The following MISP variants were observed in gnomAD, a reference collection of about 807,000 sequenced individuals.
The protein encoded by MISP is mitotic interactor and substrate of PLK1.
Under a neutral mutation model 49.3 loss-of-function variants are expected in MISP, and 51 were observed. That is an observed-to-expected ratio of 1.03 (90% CI 0.83 to 1.31). The LOEUF is 1.31. MISP is among the 50% of genes most tolerant of loss of function. The pLI is 0.00. For missense variants in MISP, 1,084 were observed against 935.1 expected, an observed-to-expected ratio of 1.16 and a Z score of -2.08; for synonymous variants, 444 against 392.6, an observed-to-expected ratio of 1.13 and a Z score of -1.55.
At position 758,060 on chromosome 19, in the gene MISP, G is replaced by A. The variant is rs763322011; in HGVS notation, c.1114G>A (p.Val372Met). 22 of 1,567,456 alleles carry A rather than the reference G, an allele frequency of 1.4e-5. No homozygotes were observed. Among genetic ancestry groups the A allele is most frequent in the South Asian group, 2.4e-5 (2 of 84,770 alleles). Residue 372 changes from valine to methionine, a missense_variant, in exon 2 of 5, where the codon GTG (valine) becomes ATG (methionine). By Grantham distance (21) the Val-to-Met change is conservative (BLOSUM62 1). Coordinates refer to ENST00000215582, the MANE Select transcript of MISP (RefSeq NM_173481.4). ...EEDHRREGLH[V>M]GRASTPDWVS... ...AGACCACCGGCGGGAGGGCCTGCAC[G>A]TGGGCCGGGCGTCCACACCCGACTG...
Position 759,897 on chromosome 19 carries a change from G to A in MISP, c.1781-12G>A. On this transcript the variant is annotated splice_polypyrimidine_tract_variant and intron_variant, in intron 2 of 4. Transcript: ENST00000215582. ...AATGTTCTAATGTTCTGCCCTCCCT[G>A]CTCCCCTACAGGCATCACGGGCAGT... 1 of 1,613,766 alleles carries A rather than the reference G, an allele frequency of 6.2e-7. No individual in the cohort carries two copies. Among genetic ancestry groups the A allele is most frequent in the African/African-American group, 1.3e-5 (1 of 74,984 alleles).
chr19:759,809 G>A (rs1433637159), intron 2 of MISP, 100 bp from the exon 3 acceptor site: 2 of 1,381,896 alleles, frequency 1.4e-6, no homozygotes, highest in Non-Finnish European at 2.0e-6. Context: ...TGCTCTGTCT[G>A]TCCATACATC....
Position 758,486 on chromosome 19 carries a change from C to G in MISP, c.1540C>G (p.Pro514Ala), listed in dbSNP as rs1247036400. 1.2e-6 allele frequency: 2 copies of G among 1,614,102 alleles called. No individual in the cohort carries two copies. The highest frequency in any genetic ancestry group is 1.7e-6 in the Non-Finnish European group (2 of 1,179,984). Residue 514 changes from proline (P) to alanine (A), a missense_variant, in exon 2 of 5, where the codon CCA (proline) becomes GCA (alanine). Pro to Ala is a conservative substitution (Grantham distance 27, BLOSUM62 -1). Transcript: ENST00000215582. Reference protein sequence around the residue: ...FRLRPLRFRAPDEPQQAQVPH... With the variant: ...FRLRPLRFRAADEPQQAQVPH... Reference sequence around the variant, plus strand: ...CCTGCGTCCTCTGCGGTTCAGGGCCCCAGACGAGCCCCAGCAGGCCCAAGT... The same window carrying G: ...CCTGCGTCCTCTGCGGTTCAGGGCCGCAGACGAGCCCCAGCAGGCCCAAGT...
Position 757,330 on chromosome 19 carries a change from T to C in MISP, c.384T>C (p.Ala128=), listed in dbSNP as rs1366963786. Residue 128 remains alanine, a synonymous_variant, in exon 2 of 5, where the codon GCT becomes GCC. Transcript: ENST00000215582. The stretch of plus-strand genomic sequence containing the variant: ...AGATGAAGACCTACCGCCTGGATGC[T>C]GGGGACGCTGACCCCAGGAGGCTGT... ...DKEMKTYRLD[A]GDADPRRLCD... is the part of the protein sequence containing the mutation. 2 of 1,613,732 alleles carry C rather than the reference T, an allele frequency of 1.2e-6. No individual in the cohort carries two copies. Among genetic ancestry groups the C allele is most frequent in the Non-Finnish European group, 1.7e-6 (2 of 1,179,916 alleles).
chr19:752,313 G>A lies in MISP; in HGVS notation c.-58+1142G>A, dbSNP rs564871928. ...AAGAATGCCGGCCATGAGAGCCGCC[G>A]TGGATCCAGGGGTTTTTTTGGCCGA... On this transcript the variant is annotated intron_variant, in intron 1 of 4. Transcript: ENST00000215582. Among the ~76,000 whole-genome samples the A allele has an allele frequency of 6.1e-3, 935 of 152,230 alleles. 6 individuals carry two copies. The highest frequency in any genetic ancestry group is 7.5e-3 in the Non-Finnish European group (512 of 68,024).
Position 757,276 on chromosome 19 carries a change from A to G in MISP, c.330A>G (p.Ala110=). ...RDAHQGRPTW[A]LRPEDGEDKE... ...CCCACCAGGGACGTCCAACATGGGC[A>G]CTCCGCCCAGAGGACGGGGAGGACA... The change falls in exon 2 of 5, where the codon GCA becomes GCG. Residue 110 remains alanine, a synonymous_variant. Transcript: ENST00000215582. 6.2e-7 allele frequency: 1 copy of G among 1,613,930 alleles called. No individual in the cohort carries two copies. The highest frequency in any genetic ancestry group is 8.5e-7 in the Non-Finnish European group (1 of 1,179,960).
At position 758,100 on chromosome 19, in the gene MISP, C is replaced by G. The variant is rs768943605; in HGVS notation, c.1154C>G (p.Pro385Arg). The change falls in exon 2 of 5, where the codon CCC (proline) becomes CGC (arginine). Residue 385 changes from proline (P) to arginine (R), a missense_variant. Coordinates refer to ENST00000215582, the MANE Select transcript of MISP (RefSeq NM_173481.4). ...ACACCCGACTGGGTCTCGGAGGGTCCCCAGCCCGGACTCCGGAGAGCCCTC... is the reference window on the plus strand; with the variant it reads ...ACACCCGACTGGGTCTCGGAGGGTCGCCAGCCCGGACTCCGGAGAGCCCTC... The part of the protein sequence containing the change: ...ASTPDWVSEG[P>R]QPGLRRALSS... 6.3e-7 allele frequency: 1 copy of G among 1,594,948 alleles called. No individual in the cohort carries two copies. The highest frequency in any genetic ancestry group is 8.5e-7 in the Non-Finnish European group (1 of 1,171,076).
rs754368314 is a variant in MISP, at chr19:758,187, T to G, written c.1241T>G (p.Val414Gly). Residue 414 changes from valine to glycine, a missense_variant, in exon 2 of 5, where the codon GTG becomes GGG. By Grantham distance (109) the Val-to-Gly change is moderately radical. Transcript: ENST00000215582. ...CGTGCGGCCGACCCAGCTCCAGAAGTGAGGAAGGTGAACCGCATCCCACCT... is the reference window on the plus strand; with the variant it reads ...CGTGCGGCCGACCCAGCTCCAGAAGGGAGGAAGGTGAACCGCATCCCACCT... ...DARAADPAPE[V>G]RKVNRIPPDA... 3 of 1,611,636 alleles carry G rather than the reference T, an allele frequency of 1.9e-6. No homozygotes were observed. Among genetic ancestry groups the G allele is most frequent in the Non-Finnish European group, 2.5e-6 (3 of 1,179,486 alleles).
At chr19:754,379 C>T (rs932612198) in intron 1 of MISP, among the ~76,000 whole-genome samples, 9 of 152,102 alleles carry the variant, frequency 5.9e-5, no homozygotes, top group African/African-American at 1.7e-4. Flanking sequence ...AGGAGAATGG[C>T]GTGAACCTGG....
intron 4 of MISP, among the ~76,000 whole-genome samples, chr19:763,018 G>C (rs10410087): frequency 6.6e-6 from 1 of 152,096 alleles, no homozygotes; most frequent in Admixed American, 6.5e-5. Flanking sequence ...GGACAGGCAC[G>C]GTGGCTCACG....
chr19:763,576 G>A lies in MISP; in HGVS notation c.2026G>A (p.Glu676Lys), dbSNP rs1251681600. The A allele has an allele frequency of 6.2e-7, 1 of 1,613,688 alleles. No homozygotes were observed. Among genetic ancestry groups the A allele is most frequent in the Admixed American group, 1.7e-5 (1 of 60,010 alleles). Reference sequence around the variant, plus strand: ...CTGGGAATCCCGCATCTACGCCAGTGAGGAGGATGACTGAGCCTCGGGATG... The same window carrying A: ...CTGGGAATCCCGCATCTACGCCAGTAAGGAGGATGACTGAGCCTCGGGATG... ...ERWESRIYAS[E>K]EDD Residue 676 changes from glutamate to lysine, a missense_variant, in exon 5 of 5, where the codon GAG becomes AAG. By Grantham distance (56) the Glu-to-Lys change is moderately conservative. Transcript: ENST00000215582.
At position 756,980 on chromosome 19, in the gene MISP, A is replaced by G. The variant is rs372099224; in HGVS notation, c.34A>G (p.Ile12Val). 2 of 1,588,390 alleles carry G rather than the reference A, an allele frequency of 1.3e-6. No individual in the cohort carries two copies. The highest frequency in any genetic ancestry group is 2.7e-5 in the African/African-American group (2 of 74,374). ...CGTGACCAGATACCCCATCCTGGGC[A>G]TCCCTCAGGCACACCGTGGCACCGG... ...DRVTRYPILGIPQAHRGTGLV... is the reference protein window; with the variant it reads ...DRVTRYPILGVPQAHRGTGLV... Residue 12 changes from isoleucine to valine, a missense_variant, in exon 2 of 5, where the codon ATC becomes GTC. Physicochemically the swap from Ile to Val is conservative, Grantham distance 29. Coordinates refer to ENST00000215582, the MANE Select transcript of MISP (RefSeq NM_173481.4).
intron 3 of MISP, chr19:760,522 C>T (rs181050945): frequency 1.3e-3 from 207 of 155,020 alleles, no homozygotes; most frequent in Middle Eastern, 9.9e-3. Context: ...TGCACCACCA[C>T]GCCCGGCTAA....
At chr19:754,291 C>T (rs958374986) in intron 1 of MISP, among the ~76,000 whole-genome samples, 5 of 152,190 alleles carry the variant, frequency 3.3e-5, no homozygotes, top group African/African-American at 7.2e-5. Context: ...GGTGAAACCC[C>T]GTCTCTACTA....
At chr19:752,529 A>C (rs1418589312) in intron 1 of MISP, among the ~76,000 whole-genome samples, 8 of 141,058 alleles carry the variant, frequency 5.7e-5, no homozygotes, top group African/African-American at 2.1e-4. Context: ...ATCTCAAAAA[A>C]AAAAGCGGGG....
chr19:754,585 C>T (rs1026719124), intron 1 of MISP, among the ~76,000 whole-genome samples: 5 of 152,376 alleles, frequency 3.3e-5, no homozygotes, highest in Non-Finnish European at 7.3e-5. Flanking sequence ...TGAGATCACG[C>T]TACCGCAGTC....
rs1269766402 is a variant in MISP, at chr19:758,600, G to C, written c.1654G>C (p.Glu552Gln). 16 of 1,614,152 alleles carry C rather than the reference G, an allele frequency of 9.9e-6. No homozygotes were observed. Among genetic ancestry groups the C allele is most frequent in the Admixed American group, 5.0e-5 (3 of 60,006 alleles). Residue 552 changes from glutamate (E) to glutamine (Q), a missense_variant, in exon 2 of 5, where the codon GAG becomes CAG. Transcript: ENST00000215582. ...ATCTGATCTGCTGGAAAGGGAGAGG[G>C]AGAGTGTCCTGCGCCGGGAGCAAGA... is the stretch of plus-strand genomic sequence containing the variant. ...QSSDLLERERESVLRREQEVA... is the reference protein window; with the variant it reads ...QSSDLLERERQSVLRREQEVA...
At chr19:753,764 G>A (rs867330707) in intron 1 of MISP, among the ~76,000 whole-genome samples, 1 of 151,362 alleles carries the variant, frequency 6.6e-6, no homozygotes, top group Non-Finnish European at 1.5e-5. Context: ...GGGAGCGACA[G>A]TCCTGCTTTG....
chr19:750,653 C>T (rs978275623), upstream of MISP, among the ~76,000 whole-genome samples: 21 of 152,290 alleles, frequency 1.4e-4, no homozygotes, highest in African/African-American at 2.9e-4. Context: ...CAAACCCCCC[C>T]GAGTCTGCCA....
Sources: allele counts gnomAD v4.1 joint callset (sites outside exome capture counted in the v4.1 genomes callset), GRCh38; gene constraint gnomAD v4.1.1; transcripts MANE v1.5; gene names NCBI Gene and HGNC (gene_info 2026-07-23, HGNC 2026-07-21).